Variants in SND1 observed in about 807,000 individuals in gnomAD.
SND1 encodes the protein staphylococcal nuclease domain-containing protein 1.
In SND1, 38 loss-of-function variants were observed where a neutral mutation model predicts 121.7. The ratio of observed to expected loss-of-function variants is 0.31; its 90% CI spans 0.24 to 0.41. The LOEUF is 0.41. Among genes scored for constraint, SND1 ranks in the 10% least tolerant of loss-of-function variants. The pLI, the probability that SND1 is intolerant of heterozygous loss-of-function variation, is 1.00. For synonymous variants in SND1, 401 were observed against 447.4 expected (o/e 0.90, Z 1.31); for missense variants, 868 against 1,184.6 (o/e 0.73, Z 3.92).
intron 9 of SND1, among the ~76,000 whole-genome samples, chr7:127,712,750 GC>G (rs1796318780): frequency 6.6e-6 from 1 of 152,098 alleles, no homozygotes; most frequent in South Asian, 2.1e-4. Flanking sequence ...TTCCTTTTGG[GC>G]TTATGTATAG....
intron 15 of SND1, among the ~76,000 whole-genome samples, chr7:127,969,098 C>T (rs1801919485): frequency 6.6e-6 from 1 of 152,182 alleles, no homozygotes; most frequent in African/African-American, 2.4e-5. Context: ...GTAACTGTTC[C>T]TTTGCCTGGA....
chr7:128,035,675 A>T (rs1258350485), intron 16 of SND1, among the ~76,000 whole-genome samples: 2 of 152,210 alleles, frequency 1.3e-5, no homozygotes, highest in African/African-American at 4.8e-5. Flanking sequence ...ATGCCTGTCT[A>T]ATGTGGGCTT....
chr7:127,724,106 G>T (rs1370944068), intron 10 of SND1, among the ~76,000 whole-genome samples: 4 of 152,156 alleles, frequency 2.6e-5, no homozygotes, highest in African/African-American at 4.8e-5. Flanking sequence ...TACTTATTTT[G>T]TGCCAGATAC....
intron 16 of SND1, chr7:128,032,213 C>T (rs945353804): frequency 1.3e-5 from 2 of 151,618 alleles, no homozygotes; most frequent in African/African-American, 4.8e-5. Flanking sequence ...AACGCCGGCG[C>T]CTTCCAGCGC....
chr7:127,857,949 C>T (rs1448912768), intron 12 of SND1: 7 of 1,365,458 alleles, frequency 5.1e-6, no homozygotes, highest in Non-Finnish European at 5.2e-6. Context: ...AGCCTTCGCT[C>T]ACCCAGGTCT....
At chr7:127,876,683 T>G (rs887610650) in intron 12 of SND1, among the ~76,000 whole-genome samples, 7 of 152,196 alleles carry the variant, frequency 4.6e-5, no homozygotes, top group African/African-American at 1.4e-4. Flanking sequence ...TGGACCAGTT[T>G]AGTTGGATTG....
intron 11 of SND1, among the ~76,000 whole-genome samples, chr7:127,810,216 T>C (rs1798310382): frequency 6.6e-6 from 1 of 152,234 alleles, no homozygotes; most frequent in Non-Finnish European, 1.5e-5. Context: ...TATTGCCTTT[T>C]CAACCCATTG....
intron 2 of SND1, among the ~76,000 whole-genome samples, chr7:127,687,507 C>T (rs1795834156): frequency 6.6e-6 from 1 of 152,112 alleles, no homozygotes; most frequent in Non-Finnish European, 1.5e-5. Context: ...TCTATTATTT[C>T]TATCTATATG....
chr7:128,009,744 C>G (rs1167123863), intron 16 of SND1, among the ~76,000 whole-genome samples: 1 of 152,114 alleles, frequency 6.6e-6, no homozygotes, highest in Non-Finnish European at 1.5e-5. Context: ...GCACCTTCCC[C>G]CATGCCAGTG....
chr7:128,051,647 A>G (rs1156305415), intron 16 of SND1, among the ~76,000 whole-genome samples: 1 of 152,196 alleles, frequency 6.6e-6, no homozygotes, highest in Non-Finnish European at 1.5e-5. Context: ...ATGGAGGGGC[A>G]TTCCTAGGAA....
chr7:128,009,119 G>A (rs893873093), intron 16 of SND1, among the ~76,000 whole-genome samples: 3 of 152,150 alleles, frequency 2.0e-5, no homozygotes, highest in African/African-American at 4.8e-5. Context: ...GCCTATGAGC[G>A]GCCCCCTGGT....
intron 16 of SND1, chr7:128,030,900 C>G: frequency 2.6e-6 from 1 of 385,584 alleles, no homozygotes; most frequent in African/African-American, 2.0e-5. Flanking sequence ...CCACCCAGTT[C>G]GCCGTCACCT....
At chr7:127,830,928 T>G (rs1384057776) in intron 11 of SND1, among the ~76,000 whole-genome samples, 3 of 152,198 alleles carry the variant, frequency 2.0e-5, no homozygotes, top group Admixed American at 1.3e-4. Context: ...AGGGGCAAAT[T>G]GGGAGGCAGT....
intron 11 of SND1, among the ~76,000 whole-genome samples, chr7:127,835,503 G>T (rs1161369499): frequency 6.6e-6 from 1 of 152,148 alleles, no homozygotes; most frequent in African/African-American, 2.4e-5. Flanking sequence ...GGCAGCTCTG[G>T]TGAGGAATAA....
intron 10 of SND1, among the ~76,000 whole-genome samples, chr7:127,763,769 A>G (rs1310903382): frequency 6.6e-6 from 1 of 152,066 alleles, no homozygotes. Context: ...CTTTTTCTGC[A>G]TTATGTTTCA....
intron 15 of SND1, among the ~76,000 whole-genome samples, chr7:127,971,812 G>A (rs1057360018): frequency 9.7e-5 from 14 of 143,780 alleles, no homozygotes; most frequent in South Asian, 4.4e-4. Context: ...TCACTCTGTC[G>A]CCCAGGCTGG....
intron 1 of SND1, among the ~76,000 whole-genome samples, chr7:127,685,540 C>G (rs1455753583): frequency 6.6e-6 from 1 of 152,196 alleles, no homozygotes; most frequent in Non-Finnish European, 1.5e-5. Context: ...TCGTTTTTCC[C>G]TTATGTGTCT....
chr7:127,657,718 G>A lies in SND1; in HGVS notation c.78+5267G>A, dbSNP rs369362051. On this transcript the variant is annotated intron_variant, in intron 1 of 23. Coordinates refer to ENST00000354725, the MANE Select transcript of SND1 (RefSeq NM_014390.4). ...TTGCTATGTTGCCCAGGCTGGTCTCGAACTCCTGGACTCAAGTGACCTTCT... is the reference window on the plus strand; with the variant it reads ...TTGCTATGTTGCCCAGGCTGGTCTCAAACTCCTGGACTCAAGTGACCTTCT... Among the ~76,000 whole-genome samples the A allele has an allele frequency of 3.9e-5, 6 of 151,920 alleles. No homozygotes were observed. In the East Asian group the frequency reaches 1.2e-3, roughly 29 times the overall value.
At chr7:127,792,225 A>C (rs1797922024) in intron 10 of SND1, among the ~76,000 whole-genome samples, 1 of 152,138 alleles carries the variant, frequency 6.6e-6, no homozygotes. Context: ...TCTTTTGTGC[A>C]TATCTGCACA....
Sources: gnomAD v4.1 joint callset for allele counts (sites outside exome capture counted in the v4.1 genomes callset) on GRCh38, gnomAD v4.1.1 for gene constraint, MANE v1.5 for transcripts, NCBI Gene and HGNC (gene_info 2026-07-23, HGNC 2026-07-21) for gene names.